PSAP: variants seen among roughly 807,000 people sequenced by gnomAD.
PSAP encodes precursor of saposins.
Under a neutral mutation model 66.0 loss-of-function variants are expected in PSAP, and 25 were observed. The observed-to-expected ratio is 0.38, with a 90% CI of 0.28 to 0.53. PSAP has a LOEUF of 0.53. Ranked by LOEUF, PSAP falls within the 20% of genes least tolerant of loss-of-function variation. The pLI, the probability that PSAP is intolerant of heterozygous loss-of-function variation, is 0.83. For synonymous variants in PSAP, 273 were observed against 258.9 expected, an observed-to-expected ratio of 1.05 and a Z score of -0.52; for missense variants, 649 against 668.8, an observed-to-expected ratio of 0.97 and a Z score of 0.33.
At chr10:71,837,910 G>A (rs959234936) in intron 1 of PSAP, among the ~76,000 whole-genome samples, 3 of 152,220 alleles carry the variant, frequency 2.0e-5, no homozygotes, top group African/African-American at 7.2e-5. Flanking sequence ...GGGAAGTAGC[G>A]GCAGCCAGGC....
chr10:71,843,576 G>A (rs758274844), intron 1 of PSAP, among the ~76,000 whole-genome samples: 1 of 152,180 alleles, frequency 6.6e-6, no homozygotes, highest in Non-Finnish European at 1.5e-5. Flanking sequence ...GGCAGTATCT[G>A]TCCAAATGTG....
Position 71,819,461 on chromosome 10 carries a change from G to A in PSAP, c.1350+4C>T, listed in dbSNP as rs769353440. On this transcript the variant is annotated splice_donor_region_variant and intron_variant, in intron 11 of 13. Transcript: ENST00000394936. ...GGCCTACCGCAGCCCAGCCCGGGGC[G>A]TACCTGCTTCTGGTAAGGGTCTGGC... is the stretch of plus-strand genomic sequence containing the variant. 3.5e-5 allele frequency: 57 copies of A among 1,613,964 alleles called. No homozygotes were observed. The highest frequency in any genetic ancestry group is 1.7e-4 in the Middle Eastern group (1 of 6,052).
chr10:71,825,792 G>GA, intron 7 of PSAP, 45 bp downstream of exon 7: 1 of 1,565,284 alleles, frequency 6.4e-7, no homozygotes, highest in Non-Finnish European at 8.8e-7. Context: ...GACGAAACCT[G>GA]AAAAACAAAG....
At chr10:71,820,874 T>C (rs972317192) in intron 8 of PSAP, among the ~76,000 whole-genome samples, 1 of 152,242 alleles carries the variant, frequency 6.6e-6, no homozygotes, top group Non-Finnish European at 1.5e-5. Context: ...AATGGAAATG[T>C]TCTCTATCTC....
chr10:71,848,716 G>A (rs1196852107), intron 1 of PSAP, among the ~76,000 whole-genome samples: 6 of 152,200 alleles, frequency 3.9e-5, no homozygotes, highest in Admixed American at 6.5e-5. Flanking sequence ...AATGGCTGCA[G>A]TCACCAGGCA....
chr10:71,833,416 C>T (rs1842559013), intron 2 of PSAP, among the ~76,000 whole-genome samples: 1 of 152,182 alleles, frequency 6.6e-6, no homozygotes, highest in African/African-American at 2.4e-5. Flanking sequence ...CATGATTGTG[C>T]CACTGCACTC....
chr10:71,840,437 A>G (rs1447422135), intron 1 of PSAP, among the ~76,000 whole-genome samples: 2 of 152,244 alleles, frequency 1.3e-5, no homozygotes, highest in Non-Finnish European at 2.9e-5. Flanking sequence ...AGCTACTCAA[A>G]CAGCTATTGC....
At chr10:71,837,220 T>TA (rs1842642424) in intron 1 of PSAP, among the ~76,000 whole-genome samples, 2 of 152,190 alleles carry the variant, frequency 1.3e-5, no homozygotes. Context: ...AGGTGCATGT[T>TA]ACAAAAACAG....
intron 2 of PSAP, among the ~76,000 whole-genome samples, chr10:71,833,756 C>T (rs1398380955): frequency 6.6e-6 from 1 of 152,218 alleles, no homozygotes; most frequent in African/African-American, 2.4e-5. Flanking sequence ...CGCCTTAGAC[C>T]ATGCCCCACA....
chr10:71,840,393 T>A (rs1484394407), intron 1 of PSAP, among the ~76,000 whole-genome samples: 1 of 152,188 alleles, frequency 6.6e-6, no homozygotes, highest in African/African-American at 2.4e-5. Context: ...TTCCATCCCC[T>A]AAGAGCAGGA....
chr10:71,829,154 A>C, intron 4 of PSAP, 77 bp from the exon 5 acceptor site: 1 of 1,331,828 alleles, frequency 7.5e-7, no homozygotes, highest in Non-Finnish European at 1.1e-6. Flanking sequence ...GTGCCTCTGA[A>C]TTAGTCCCTC....
intron 1 of PSAP, among the ~76,000 whole-genome samples, chr10:71,845,561 T>C (rs999725520): frequency 2.6e-5 from 4 of 152,182 alleles, no homozygotes; most frequent in African/African-American, 9.7e-5. Flanking sequence ...CCAGGCTGTT[T>C]GGGGAGGGCC....
chr10:71,818,915 G>T (rs749823), intron 12 of PSAP, 116 bp downstream of exon 12: 1 of 1,138,722 alleles, frequency 8.8e-7, no homozygotes, highest in Non-Finnish European at 1.3e-6. Flanking sequence ...TGGCTCTCCC[G>T]CAGCAGAACC....
At chr10:71,826,801 G>C (rs1311796767) in intron 6 of PSAP, among the ~76,000 whole-genome samples, 3 of 151,566 alleles carry the variant, frequency 2.0e-5, no homozygotes, top group Admixed American at 2.0e-4. Context: ...CACCCAAAAA[G>C]CCTCGCTAGA....
Position 71,844,786 on chromosome 10 carries a change from A to G in PSAP, c.40+6396T>C, listed in dbSNP as rs191513893. The G allele has an allele frequency of 7.9e-5, 12 of 152,378 alleles. 1 individual carries two copies. The highest frequency in any genetic ancestry group is 5.2e-4 in the Admixed American group (8 of 15,312). The allele number at this position is 152,378 out of a possible 1,614,324, so 9.4% of individuals were successfully genotyped here. On this transcript the variant is annotated intron_variant, in intron 1 of 13. Coordinates refer to ENST00000394936, the MANE Select transcript of PSAP (RefSeq NM_002778.4). ...GCCTTCTAGACAAATTCTAAAAGAC[A>G]TAACAGTAATCTATACATTTTCAAC...
Position 71,818,765 on chromosome 10 carries a change from G to A in PSAP, c.1432-41C>T, listed in dbSNP as rs538659296. 1.5e-5 allele frequency: 23 copies of A among 1,501,282 alleles called. No individual in the cohort carries two copies. The South Asian group carries it at 2.5e-4, about 16-fold the overall frequency. The allele number at this position is 1,501,282 out of a possible 1,614,324, so 93.0% of individuals were successfully genotyped here. ...AGGAAAGAAGAAAGGGGGAGAATGA[G>A]AGCTGCCCGATGTATCGCTTTCAAA... On this transcript the variant is annotated intron_variant, in intron 12 of 13. Transcript: ENST00000394936.
chr10:71,818,595 C>A, intron 13 of PSAP, 22 bp downstream of exon 13: 1 of 1,598,038 alleles, frequency 6.3e-7, no homozygotes, highest in Non-Finnish European at 8.6e-7. Context: ...AGGCTGGTGA[C>A]ACTGTCTGCT....
At chr10:71,834,764 G>GAGT (rs933493582) in intron 1 of PSAP, among the ~76,000 whole-genome samples, 5 of 152,174 alleles carry the variant, frequency 3.3e-5, no homozygotes, top group African/African-American at 1.2e-4. Flanking sequence ...CAGTATCAGG[G>GAGT]AGTATCAGAA....
chr10:71,820,272 C>A lies in PSAP; in HGVS notation c.973G>T (p.Val325Leu), dbSNP rs1234236218. 1.2e-5 allele frequency: 20 copies of A among 1,614,088 alleles called. No individual in the cohort carries two copies. The change falls in exon 9 of 14, where the codon GTG becomes TTG. Residue 325 changes from valine (V) to leucine (L), a missense_variant. Transcript: ENST00000394936. The stretch of plus-strand genomic sequence containing the variant: ...TTGTTGTTGTCAATCAGCTTGGTCA[C>A]CTCCTTCACCAGGAATTCACACACC... The part of the protein sequence containing the change: ...CEVCEFLVKE[V>L]TKLIDNNKTE...
Sources: gnomAD v4.1 joint callset for allele counts (sites outside exome capture counted in the v4.1 genomes callset) on GRCh38, gnomAD v4.1.1 for gene constraint, MANE v1.5 for transcripts, NCBI Gene and HGNC (gene_info 2026-07-23, HGNC 2026-07-21) for gene names.